CDH12: variants seen among roughly 807,000 people sequenced by gnomAD.
The protein encoded by CDH12 is cadherin-12.
Under a neutral mutation model 74.1 loss-of-function variants are expected in CDH12, and 41 were observed. The ratio of observed to expected loss-of-function variants is 0.55; its 90% confidence interval spans 0.43 to 0.72. The LOEUF (loss-of-function observed/expected upper bound fraction) is 0.72. Ranked by LOEUF, CDH12 falls within the 30% of genes least tolerant of loss-of-function variation. The pLI, the probability that CDH12 is intolerant of heterozygous loss-of-function variation, is 0.00. For synonymous variants in CDH12, 399 were observed against 355.0 expected (o/e 1.12, Z -1.39); for missense variants, 945 against 977.2 (o/e 0.97, Z 0.44).
At chr5:22,810,837 C>T (rs1749098879) in intron 1 of CDH12, among the ~76,000 whole-genome samples, 1 of 151,930 alleles carries the variant, frequency 6.6e-6, no homozygotes, top group South Asian at 2.1e-4. Flanking sequence ...GGGCTATGAT[C>T]GTACTCTGTA....
At chr5:21,953,983 T>C (rs1225697850) in intron 6 of CDH12, among the ~76,000 whole-genome samples, 4 of 152,096 alleles carry the variant, frequency 2.6e-5, no homozygotes, top group South Asian at 2.1e-4. Context: ...ATTAATTACA[T>C]TGAAATTCTA....
intron 1 of CDH12, among the ~76,000 whole-genome samples, chr5:22,770,519 C>T (rs1361081158): frequency 6.6e-6 from 1 of 152,068 alleles, no homozygotes; most frequent in Non-Finnish European, 1.5e-5. Context: ...GTTGATCAGC[C>T]TGCTAATGCT....
chr5:22,185,012 C>A (rs1749852610), intron 4 of CDH12, among the ~76,000 whole-genome samples: 1 of 152,050 alleles, frequency 6.6e-6, no homozygotes, highest in African/African-American at 2.4e-5. Context: ...CCCACCCTAC[C>A]CTCTCTGAAA....
At chr5:22,556,660 T>G (rs114835804) in intron 1 of CDH12, among the ~76,000 whole-genome samples, 1 of 152,084 alleles carries the variant, frequency 6.6e-6, no homozygotes, top group African/African-American at 2.4e-5. Context: ...CCAGATGAGA[T>G]TTTTTATCAG....
chr5:22,807,714 G>T (rs576722343), intron 1 of CDH12, among the ~76,000 whole-genome samples: 2 of 152,166 alleles, frequency 1.3e-5, no homozygotes, highest in Non-Finnish European at 2.9e-5. Flanking sequence ...ACAATGGTAA[G>T]TACTTGTGTA....
intron 1 of CDH12, among the ~76,000 whole-genome samples, chr5:22,510,634 C>A (rs1736563062): frequency 2.0e-5 from 3 of 152,050 alleles, no homozygotes; most frequent in African/African-American, 7.2e-5. Flanking sequence ...TGCATATAAC[C>A]TATGCACATC....
intron 4 of CDH12, among the ~76,000 whole-genome samples, chr5:22,199,789 T>C (rs1436035688): frequency 6.6e-6 from 1 of 152,224 alleles, no homozygotes; most frequent in East Asian, 1.9e-4. Flanking sequence ...CATTTTTCTT[T>C]GCATTCTTTT....
At chr5:22,064,862 G>GA (rs908627167) in intron 5 of CDH12, among the ~76,000 whole-genome samples, 5 of 152,010 alleles carry the variant, frequency 3.3e-5, no homozygotes, top group Non-Finnish European at 7.4e-5. Flanking sequence ...AGATTGTTGG[G>GA]AAAAAACCCT....
intron 6 of CDH12, among the ~76,000 whole-genome samples, chr5:21,940,481 T>C (rs549135482): frequency 4.5e-4 from 68 of 152,330 alleles, no homozygotes; most frequent in Admixed American, 2.7e-3. Flanking sequence ...TTGTGACATG[T>C]ATTTCTTCTA....
At chr5:22,124,031 G>A (rs1291257729) in intron 4 of CDH12, among the ~76,000 whole-genome samples, 4 of 151,520 alleles carry the variant, frequency 2.6e-5, no homozygotes, top group African/African-American at 9.7e-5. Flanking sequence ...GCAGCGGTGC[G>A]ATCTCAGCTC....
intron 1 of CDH12, among the ~76,000 whole-genome samples, chr5:22,643,024 T>A (rs1739231955): frequency 6.6e-6 from 1 of 152,170 alleles, no homozygotes; most frequent in Admixed American, 6.5e-5. Flanking sequence ...ATCACTTTAC[T>A]TCACAATGTG....
chr5:22,137,294 T>C (rs1413035877), intron 4 of CDH12, among the ~76,000 whole-genome samples: 5 of 152,100 alleles, frequency 3.3e-5, no homozygotes, highest in Non-Finnish European at 5.9e-5. Flanking sequence ...ATGCCAGTTA[T>C]ATCAGAACAG....
Position 22,663,599 on chromosome 5 carries a change from T to C in CDH12, c.-522-158235A>G, listed in dbSNP as rs183959507. 3.0e-3 allele frequency among the ~76,000 whole-genome samples: 460 copies of C among 152,320 alleles called. 4 individuals carry two copies. The highest frequency in any genetic ancestry group is 0.01 in the African/African-American group (430 of 41,578). ...CAAAAGTACTTATCTTGAAAATGACTTCAGTGCCTCATGTGAGCTGAATGT... is the reference window on the plus strand; with the variant it reads ...CAAAAGTACTTATCTTGAAAATGACCTCAGTGCCTCATGTGAGCTGAATGT... On this transcript the variant is annotated intron_variant, in intron 1 of 14. Coordinates refer to ENST00000382254, the MANE Select transcript of CDH12 (RefSeq NM_004061.5).
At chr5:22,697,582 A>AG (rs999059293) in intron 1 of CDH12, among the ~76,000 whole-genome samples, 4 of 151,638 alleles carry the variant, frequency 2.6e-5, no homozygotes, top group African/African-American at 9.7e-5. Context: ...AAAAAAAAAA[A>AG]AAAAAAAGAA....
intron 5 of CDH12, among the ~76,000 whole-genome samples, chr5:22,004,036 G>A (rs142811130): frequency 0.014 from 2,069 of 151,998 alleles, 37 homozygotes; most frequent in African/African-American, 0.048. Context: ...AGAACAGGAG[G>A]GTCTGATGCT....
intron 5 of CDH12, among the ~76,000 whole-genome samples, chr5:22,069,660 T>A (rs770716470): frequency 7.9e-5 from 12 of 152,168 alleles, no homozygotes; most frequent in Non-Finnish European, 1.0e-4. Flanking sequence ...GAGTTCCTCA[T>A]TCCCCTAAAT....
chr5:22,010,887 C>A (rs934092229), intron 5 of CDH12, among the ~76,000 whole-genome samples: 10 of 152,028 alleles, frequency 6.6e-5, no homozygotes, highest in African/African-American at 2.4e-4. Flanking sequence ...TTTTGGGGCC[C>A]AATCCCTATT....
chr5:22,101,909 G>A (rs1489232311), intron 4 of CDH12, among the ~76,000 whole-genome samples: 1 of 152,096 alleles, frequency 6.6e-6, no homozygotes, highest in East Asian at 1.9e-4. Flanking sequence ...ATTCAACTCT[G>A]CCATTGTAGC....
chr5:22,726,988 G>A (rs1029417766), intron 1 of CDH12, among the ~76,000 whole-genome samples: 3 of 151,594 alleles, frequency 2.0e-5, no homozygotes, highest in African/African-American at 7.3e-5. Context: ...CGTCCTTAAG[G>A]CATTTTTCAG....
Sources: gnomAD v4.1 joint callset for allele counts (sites outside exome capture counted in the v4.1 genomes callset) on GRCh38, gnomAD v4.1.1 for gene constraint, MANE v1.5 for transcripts, NCBI Gene and HGNC (gene_info 2026-07-23, HGNC 2026-07-21) for gene names.